SCYL2: variants seen among roughly 807,000 people sequenced by gnomAD.
SCYL2 encodes SCY1-like protein 2.
Under a neutral mutation model 100.4 loss-of-function variants are expected in SCYL2, and 36 were observed. That is an observed-to-expected ratio of 0.36 (90% confidence interval 0.27 to 0.47). The LOEUF is 0.47. Ranked by LOEUF, SCYL2 falls within the 20% of genes least tolerant of loss-of-function variation. The pLI is 1.00. For synonymous variants in SCYL2, 330 were observed against 359.2 expected, an observed-to-expected ratio of 0.92 and a Z score of 0.92; for missense variants, 902 against 1,083.9, an observed-to-expected ratio of 0.83 and a Z score of 2.36.
chr12:100,305,320 C>T (rs190109298), intron 4 of SCYL2, among the ~76,000 whole-genome samples: 107 of 152,314 alleles, frequency 7.0e-4, no homozygotes, highest in Admixed American at 6.6e-3. Flanking sequence ...GACCACAGTG[C>T]AATCAAATTA....
rs1952352189 is a variant in SCYL2 at position 100,341,467 on chromosome 12, ATG to A, written c.*2300_*2301del. 1 of 152,194 alleles carries A rather than the reference ATG, an allele frequency of 6.6e-6. No homozygotes were observed. Among genetic ancestry groups the A allele is most frequent in the Admixed American group, 6.5e-5 (1 of 15,286 alleles). The allele number at this position is 152,194 out of a possible 1,614,324, so 9.4% of individuals were successfully genotyped here. A position where few individuals can be genotyped will look rare whatever the true frequency, so the allele number is the denominator to read the frequency against. On this transcript the variant is annotated 3_prime_UTR_variant, in exon 18 of 18. Coordinates refer to ENST00000360820, the MANE Select transcript of SCYL2 (RefSeq NM_017988.6). ...TAGTTCTCTATTCTCCTATTGCTAA[ATG>A]TGTGATATATAGAGAGGATGTATAA...
chr12:100,274,060 T>C (rs1326300220), intron 1 of SCYL2, among the ~76,000 whole-genome samples: 2 of 152,216 alleles, frequency 1.3e-5, no homozygotes, highest in Admixed American at 6.5e-5. Flanking sequence ...GTAGCAACAT[T>C]TTCTAGCTGC....
chr12:100,315,778 G>A (rs757987318), intron 9 of SCYL2, 44 bp downstream of exon 9: 3 of 1,291,212 alleles, frequency 2.3e-6, no homozygotes, highest in South Asian at 3.0e-5. Context: ...TGTTATTTAT[G>A]ATTGTGACTA....
At chr12:100,271,702 G>C (rs765576711) in intron 1 of SCYL2, among the ~76,000 whole-genome samples, 31 of 152,264 alleles carry the variant, frequency 2.0e-4, no homozygotes, top group Middle Eastern at 3.4e-3. Context: ...ATTACGGTAA[G>C]CCTTTTATTT....
intron 2 of SCYL2, among the ~76,000 whole-genome samples, chr12:100,285,212 T>C (rs2096303199): frequency 6.6e-6 from 1 of 152,210 alleles, no homozygotes; most frequent in African/African-American, 2.4e-5. Context: ...CCTAACCCCC[T>C]TCTCTCCAGG....
chr12:100,299,837 T>C (rs1386281785), intron 4 of SCYL2, among the ~76,000 whole-genome samples: 1 of 152,216 alleles, frequency 6.6e-6, no homozygotes, highest in Non-Finnish European at 1.5e-5. Context: ...GTACAAGTTT[T>C]TGTATGAACA....
rs751916318 is a variant in SCYL2, at chr12:100,329,174, A to T, written c.1643-27A>T. 5 of 1,063,610 alleles carry T rather than the reference A, an allele frequency of 4.7e-6. No individual in the cohort carries two copies. The East Asian group carries it at 1.2e-4, about 25-fold the overall frequency. 65.9% of individuals were successfully genotyped at this position (1,063,610 alleles called of 1,614,324 possible). ...CTATGAATTTATGGTGTTAACTTAT[A>T]AAATTTGTCACATTCTTTTCTATCA... On this transcript the variant is annotated intron_variant, in intron 12 of 17. Coordinates refer to ENST00000360820, the MANE Select transcript of SCYL2 (RefSeq NM_017988.6).
rs201509870 is a variant in SCYL2, at chr12:100,326,735, G to A, written c.1623G>A (p.Ala541=). 16 of 1,607,332 alleles carry A rather than the reference G, an allele frequency of 1.0e-5. No individual in the cohort carries two copies. The Admixed American group carries it at 1.2e-4, about 12-fold the overall frequency. ...AACAAATTCCATCCAAGGAACCTGC[G>A]GTCCTCATGGGAATTTTAGGTAGCT... ...FLQQIPSKEP[A]VLMGILGIYK... Residue 541 remains alanine, a synonymous_variant, in exon 12 of 18, where the codon GCG becomes GCA. Transcript: ENST00000360820.
chr12:100,303,857 A>T (rs1031878698), intron 4 of SCYL2, among the ~76,000 whole-genome samples: 1 of 152,136 alleles, frequency 6.6e-6, no homozygotes, highest in Non-Finnish European at 1.5e-5. Flanking sequence ...AGCTGTGCCC[A>T]CAGCTGCCTC....
chr12:100,294,658 C>T (rs1430334894), intron 3 of SCYL2, among the ~76,000 whole-genome samples: 1 of 132,302 alleles, frequency 7.6e-6, no homozygotes, highest in Non-Finnish European at 1.6e-5. Context: ...GGCAGAGGCA[C>T]CCCTCACCTC....
At chr12:100,298,490 TAAA>T (rs1308081887) in intron 4 of SCYL2, among the ~76,000 whole-genome samples, 1 of 152,250 alleles carries the variant, frequency 6.6e-6, no homozygotes, top group Admixed American at 6.5e-5. Flanking sequence ...AAGTATTTGA[TAAA>T]AATAAAAATT....
Position 100,308,546 on chromosome 12 carries a change from T to C in SCYL2, c.481-2498T>C, listed in dbSNP as rs1000819992. Among the ~76,000 whole-genome samples the C allele has an allele frequency of 3.9e-5, 6 of 152,190 alleles. No homozygotes were observed. In the East Asian group the frequency reaches 7.7e-4, roughly 20 times the overall value. Reference sequence around the variant, plus strand: ...AGAAATACCTAATGTAGGTGACTGGTTGATGGGTGCAGCAAACCACCATGG... The same window carrying C: ...AGAAATACCTAATGTAGGTGACTGGCTGATGGGTGCAGCAAACCACCATGG... On this transcript the variant is annotated intron_variant, in intron 4 of 17. Transcript: ENST00000360820.
rs539363406 is a variant in SCYL2, at chr12:100,334,180, T to A, written c.1776T>A (p.Ile592=). ...CATTATACCAGTTCAATTCTTTCATTTCCGTCATAAAAGAAATGCTTAATA... is the reference window on the plus strand; with the variant it reads ...CATTATACCAGTTCAATTCTTTCATATCCGTCATAAAAGAAATGCTTAATA... ...NLNLNQFNSF[I]SVIKEMLNRL... The change falls in exon 14 of 18, where the codon ATT becomes ATA. Residue 592 remains isoleucine, a synonymous_variant. Transcript: ENST00000360820. 1.3e-5 allele frequency: 21 copies of A among 1,593,776 alleles called. No homozygotes were observed. The East Asian group carries it at 4.5e-4, about 34-fold the overall frequency.
chr12:100,312,130 A>T (rs566787673), intron 5 of SCYL2, among the ~76,000 whole-genome samples: 12 of 152,318 alleles, frequency 7.9e-5, no homozygotes, highest in African/African-American at 2.4e-4. Context: ...ATCTGAGCTC[A>T]TACAACTTTT....
At chr12:100,269,803 G>A (rs1048587128) in intron 1 of SCYL2, among the ~76,000 whole-genome samples, 1 of 152,020 alleles carries the variant, frequency 6.6e-6, no homozygotes, top group Non-Finnish European at 1.5e-5. Flanking sequence ...GCTTTCTCAG[G>A]ATACAGATAT....
intron 10 of SCYL2, among the ~76,000 whole-genome samples, chr12:100,322,985 G>A (rs568641677): frequency 8.1e-5 from 12 of 148,536 alleles, no homozygotes; most frequent in African/African-American, 1.5e-4. Flanking sequence ...CTATGATTGC[G>A]TCACTGCACT....
intron 4 of SCYL2, among the ~76,000 whole-genome samples, chr12:100,302,069 G>T (rs1267643935): frequency 1.3e-5 from 2 of 152,208 alleles, no homozygotes; most frequent in Non-Finnish European, 2.9e-5. Context: ...CTAGGGTCTA[G>T]ATTGGGGCCC....
chr12:100,267,297 G>A lies in SCYL2; in HGVS notation c.-524G>A. On this transcript the variant is annotated 5_prime_UTR_variant, in exon 1 of 18. In the 5' UTR this introduces an upstream ATG that the reference lacks. Transcript: ENST00000360820. ...AGGATATGGAGTAAAGCCAGAGTCA[G>A]TGGCCAGGCACGAAGGCAGAGCAGG... is the stretch of plus-strand genomic sequence containing the variant. The A allele has an allele frequency of 3.8e-6, 2 of 524,056 alleles. No individual in the cohort carries two copies. The highest frequency in any genetic ancestry group is 3.2e-5 in the East Asian group (1 of 30,870). The allele number at this position is 524,056 out of a possible 1,614,324, so 32.5% of individuals were successfully genotyped here. A position where few individuals can be genotyped will look rare whatever the true frequency, so the allele number is the denominator to read the frequency against.
At chr12:100,315,506 A>C in intron 8 of SCYL2, 52 bp from the exon 9 acceptor site, 1 of 1,482,676 alleles carries the variant, frequency 6.7e-7, no homozygotes. Flanking sequence ...ACTAATACTA[A>C]AAACCTTTAA....
Sources: gnomAD v4.1 joint callset for allele counts (sites outside exome capture counted in the v4.1 genomes callset) on GRCh38, gnomAD v4.1.1 for gene constraint, MANE v1.5 for transcripts, NCBI Gene and HGNC (gene_info 2026-07-23, HGNC 2026-07-21) for gene names.